BRMS1L: variants seen among roughly 807,000 people sequenced by gnomAD.
BRMS1L encodes the protein BRMS1 like transcriptional repressor.
Under a neutral mutation model 50.3 loss-of-function variants are expected in BRMS1L, and 23 were observed. The observed-to-expected ratio is 0.46, with a 90% CI of 0.33 to 0.65. The LOEUF is 0.65. BRMS1L is among the 30% of genes least tolerant of loss of function. The pLI, the probability that BRMS1L is intolerant of heterozygous loss-of-function variation, is 0.02. For synonymous variants in BRMS1L, 114 were observed against 126.9 expected, an observed-to-expected ratio of 0.90 and a Z score of 0.69; for missense variants, 286 against 386.1, an observed-to-expected ratio of 0.74 and a Z score of 2.17.
intron 4 of BRMS1L, among the ~76,000 whole-genome samples, chr14:35,861,327 C>G (rs2078348335): frequency 6.6e-6 from 1 of 152,122 alleles, no homozygotes; most frequent in African/African-American, 2.4e-5. Context: ...ATATCCTTAA[C>G]AGCAAAAGGC....
Position 35,870,532 on chromosome 14 carries a change from C to A in BRMS1L, c.*55C>A. Reference sequence around the variant, plus strand: ...TTATTAGTGTTACCAAATGTAAGTGCCATGAGAGTAAAAAAATGTATTCAA... The same window carrying A: ...TTATTAGTGTTACCAAATGTAAGTGACATGAGAGTAAAAAAATGTATTCAA... On this transcript the variant is annotated 3_prime_UTR_variant, in exon 10 of 10. Transcript: ENST00000216807. The A allele has an allele frequency of 1.9e-6, 2 of 1,059,374 alleles. No individual in the cohort carries two copies. Among genetic ancestry groups the A allele is most frequent in the Non-Finnish European group, 2.8e-6 (2 of 707,794 alleles). The allele number at this position is 1,059,374 out of a possible 1,614,324, so 65.6% of individuals were successfully genotyped here. A position where few individuals can be genotyped will look rare whatever the true frequency, so the allele number is the denominator to read the frequency against.
In BRMS1L at chr14:35,871,612, A is replaced by G. The variant is rs994465772; in HGVS notation, c.*1135A>G. On this transcript the variant is annotated 3_prime_UTR_variant, in exon 10 of 10. Coordinates refer to ENST00000216807, the MANE Select transcript of BRMS1L (RefSeq NM_032352.4). ...TATTCCTGGTGGTCTTGTGCACTTT[A>G]ATTTCTGTTACAATGAGTTAAGAGG... 6.6e-6 allele frequency: 1 copy of G among 152,652 alleles called. No individual in the cohort carries two copies. The highest frequency in any genetic ancestry group is 2.4e-5 in the African/African-American group (1 of 41,456). 9.5% of individuals were successfully genotyped at this position (152,652 alleles called of 1,614,324 possible). A position where few individuals can be genotyped will look rare whatever the true frequency, so the allele number is the denominator to read the frequency against.
chr14:35,833,790 G>A (rs1232681841), intron 3 of BRMS1L, among the ~76,000 whole-genome samples: 1 of 152,012 alleles, frequency 6.6e-6, no homozygotes, highest in Admixed American at 6.6e-5. Context: ...CTCTTATGTG[G>A]CACTAATTGA....
At chr14:35,867,721 CTT>C (rs749667183) in intron 8 of BRMS1L, 183 bp from the exon 9 acceptor site, 6 of 401,440 alleles carry the variant, frequency 1.5e-5, no homozygotes, top group African/African-American at 4.2e-5. Context: ...ATATTAAAAA[CTT>C]AGTGATTATG....
At chr14:35,830,874 G>A (rs563546335) in intron 1 of BRMS1L, among the ~76,000 whole-genome samples, 17 of 151,568 alleles carry the variant, frequency 1.1e-4, no homozygotes, top group Non-Finnish European at 2.4e-4. Context: ...ATGAATAAAA[G>A]TAAGAGGGTC....
chr14:35,830,161 C>T (rs1054740874), intron 1 of BRMS1L, among the ~76,000 whole-genome samples: 2 of 152,232 alleles, frequency 1.3e-5, no homozygotes, highest in African/African-American at 2.4e-5. Flanking sequence ...CCTCCACCTC[C>T]TGGGTTCAAG....
chr14:35,832,583 A>G (rs1456919209), intron 2 of BRMS1L, among the ~76,000 whole-genome samples: 2 of 152,036 alleles, frequency 1.3e-5, no homozygotes, highest in African/African-American at 4.8e-5. Flanking sequence ...AAGCCAAGTA[A>G]TTATTTATTT....
At chr14:35,864,039 C>G in intron 6 of BRMS1L, 86 bp downstream of exon 6, 1 of 1,007,690 alleles carries the variant, frequency 9.9e-7, no homozygotes, top group Non-Finnish European at 1.5e-6. Context: ...TTTGTAAACA[C>G]TGACTTTATT....
At chr14:35,868,780 TAACAACAACAACAACA>T (rs901226720) in intron 9 of BRMS1L, among the ~76,000 whole-genome samples, 2 of 152,020 alleles carry the variant, frequency 1.3e-5, no homozygotes, top group Admixed American at 6.6e-5. Flanking sequence ...CTTGTCTCTC[TAACAACAACAACAACA>T]AACAACAACA....
At chr14:35,868,395 G>T (rs1244251164) in intron 9 of BRMS1L, among the ~76,000 whole-genome samples, 2 of 152,074 alleles carry the variant, frequency 1.3e-5, no homozygotes, top group East Asian at 3.8e-4. Flanking sequence ...AACTTTTTTG[G>T]ATGTGTTACA....
intron 4 of BRMS1L, among the ~76,000 whole-genome samples, chr14:35,848,092 AT>A (rs1291957945): frequency 6.6e-6 from 1 of 152,190 alleles, no homozygotes; most frequent in Non-Finnish European, 1.5e-5. Context: ...GCTGGATCAT[AT>A]GATATTTTTT....
intron 7 of BRMS1L, 137 bp downstream of exon 7, chr14:35,865,136 T>TAGTGTAGTTC: frequency 3.5e-6 from 2 of 573,342 alleles, no homozygotes; most frequent in Non-Finnish European, 3.0e-6. Flanking sequence ...GGCAATTTAA[T>TAGTGTAGTTC]ACTATTACAG....
chr14:35,857,427 A>G (rs1374483803), intron 4 of BRMS1L, among the ~76,000 whole-genome samples: 1 of 151,772 alleles, frequency 6.6e-6, no homozygotes, highest in African/African-American at 2.4e-5. Context: ...CCCAGTGGCA[A>G]TTATATTTCT....
chr14:35,855,655 G>T (rs191283822), intron 4 of BRMS1L, among the ~76,000 whole-genome samples: 1 of 152,020 alleles, frequency 6.6e-6, no homozygotes, highest in Non-Finnish European at 1.5e-5. Flanking sequence ...TGTCTAACAT[G>T]TTAATCTGAC....
In BRMS1L at chr14:35,863,959, C is replaced by T. The variant is rs766259770; in HGVS notation, c.622+6C>T. 20 of 1,611,694 alleles carry T rather than the reference C, an allele frequency of 1.2e-5. No individual in the cohort carries two copies. Among genetic ancestry groups the T allele is most frequent in the African/African-American group, 4.0e-5 (3 of 74,734 alleles). On this transcript the variant is annotated splice_donor_region_variant and intron_variant, in intron 6 of 9. Transcript: ENST00000216807. ...GAAGCCAGTTGTTGTTTCAGATATC[C>T]TTTTCCAAATTTTCTGTTTTTTTTT...
At chr14:35,834,956 T>C in intron 4 of BRMS1L, 33 bp downstream of exon 4, 1 of 1,541,226 alleles carries the variant, frequency 6.5e-7, no homozygotes, top group Non-Finnish European at 8.8e-7. Flanking sequence ...TTAAGCTAAT[T>C]TCATCTCTTC....
At chr14:35,847,643 C>T (rs1055774759) in intron 4 of BRMS1L, among the ~76,000 whole-genome samples, 2 of 152,172 alleles carry the variant, frequency 1.3e-5, no homozygotes, top group Non-Finnish European at 2.9e-5. Flanking sequence ...GCTATAGGCA[C>T]AATGTTGTAT....
chr14:35,846,691 A>T (rs1205532891), intron 4 of BRMS1L, among the ~76,000 whole-genome samples: 1 of 152,164 alleles, frequency 6.6e-6, no homozygotes, highest in Non-Finnish European at 1.5e-5. Flanking sequence ...CAGTTTTGAT[A>T]TGTACTATTA....
chr14:35,839,278 G>A (rs2078032045), intron 4 of BRMS1L, among the ~76,000 whole-genome samples: 1 of 152,182 alleles, frequency 6.6e-6, no homozygotes, highest in Admixed American at 6.5e-5. Flanking sequence ...CTGTAGGCTT[G>A]TAATATAGTT....
Sources: allele counts gnomAD v4.1 joint callset (sites outside exome capture counted in the v4.1 genomes callset), GRCh38; gene constraint gnomAD v4.1.1; transcripts MANE v1.5; gene names NCBI Gene and HGNC (gene_info 2026-07-23, HGNC 2026-07-21).